GPRC5D: variants seen among roughly 807,000 people sequenced by gnomAD.
GPRC5D encodes G protein-coupled receptor class C group 5 member D.
In GPRC5D, 20 loss-of-function variants were observed where a neutral mutation model predicts 29.3. That is an observed-to-expected ratio of 0.68 (90% CI 0.48 to 0.99). The LOEUF (loss-of-function observed/expected upper bound fraction) is 0.99, where lower values mean the gene tolerates loss of function less well. Ranked by LOEUF, GPRC5D falls within the 50% of genes least tolerant of loss-of-function variation. GPRC5D has a pLI of 0.00. For synonymous variants in GPRC5D, 178 were observed against 171.3 expected (o/e 1.04, Z -0.30); for missense variants, 384 against 423.6 (o/e 0.91, Z 0.82).
chr12:12,948,973 A>G lies in GPRC5D; in HGVS notation c.895+517T>C, dbSNP rs545528298. On this transcript the variant is annotated intron_variant, in intron 1 of 2. Coordinates refer to ENST00000228887, the Ensembl canonical transcript of GPRC5D. ...TTTGAAAAGTTGAAATCCAGAAGTG[A>G]TTGGGCTTTATGGCTTTAATGAGGT... Among the ~76,000 whole-genome samples, 3 of 152,302 alleles carry G rather than the reference A, an allele frequency of 2.0e-5. No homozygotes were observed. In the South Asian group the frequency reaches 6.2e-4, roughly 32 times the overall value.
rs1050579210 is a variant in GPRC5D, at chr12:12,950,110, C to T, written c.275G>A (p.Arg92His). The change falls in exon 1 of 3, where the codon CGC becomes CAC. Residue 92 changes from arginine (R) to histidine (H), a missense_variant. Coordinates refer to ENST00000228887, the Ensembl canonical transcript of GPRC5D. Reference sequence around the variant, plus strand: ...AAAGAGAACCCCAAAGAGAAAGTAGCGTACGGGGGCAGTTTGTTGATTGAG... The same window carrying T: ...AAAGAGAACCCCAAAGAGAAAGTAGTGTACGGGGGCAGTTTGTTGATTGAG... The T allele has an allele frequency of 3.8e-5, 61 of 1,613,952 alleles. No homozygotes were observed. The highest frequency in any genetic ancestry group is 6.7e-5 in the East Asian group (3 of 44,882).
chr12:12,948,248 C>T (rs1285098457), intron 1 of GPRC5D: 2 of 152,152 alleles, frequency 1.3e-5, no homozygotes, highest in Non-Finnish European at 2.9e-5. Flanking sequence ...GAAGTATTTT[C>T]AGGAAAGATT....
intron 1 of GPRC5D, among the ~76,000 whole-genome samples, chr12:12,942,825 C>A (rs890566238): frequency 6.6e-6 from 1 of 152,130 alleles, no homozygotes; most frequent in Non-Finnish European, 1.5e-5. Flanking sequence ...ATGTAGAAAG[C>A]GTGGGTAGCG....
chr12:12,942,005 C>T (rs943198213), intron 2 of GPRC5D, among the ~76,000 whole-genome samples: 1 of 152,196 alleles, frequency 6.6e-6, no homozygotes, highest in African/African-American at 2.4e-5. Context: ...CCTTTCTTTC[C>T]AGGGACACGC....
exon 1 of GPRC5D, chr12:12,949,601 G>A: frequency 6.2e-7 from 1 of 1,614,150 alleles, no homozygotes; most frequent in South Asian, 1.1e-5. Context: ...AGAATGCAGA[G>A]CTCAGGGACG....
chr12:12,944,411 G>A (rs7299830), intron 1 of GPRC5D: 36,457 of 152,044 alleles, frequency 0.24, 4,745 homozygotes, highest in Middle Eastern at 0.37. Flanking sequence ...TGACAAAAAA[G>A]AACTTCCCAT....
rs1365140700 is a variant in GPRC5D, at chr12:12,944,861, CTT to C, written c.896-2535_896-2534del. ...TCCTTCCTTCCTTCCTTCTTTCTTTCTTTCTTTCTTTCTTTCTTTCTTTCTTT... is the reference window on the plus strand; with the variant it reads ...TCCTTCCTTCCTTCCTTCTTTCTTTCTCTTTCTTTCTTTCTTTCTTTCTTT... On this transcript the variant is annotated intron_variant, in intron 1 of 2. Transcript: ENST00000228887. 2.6e-4 allele frequency among the ~76,000 whole-genome samples: 25 copies of C among 95,128 alleles called. 2 individuals are homozygous for C. The highest frequency in any genetic ancestry group is 4.7e-4 in the South Asian group (1 of 2,106). 62.4% of individuals were successfully genotyped at this position (95,128 alleles called of 152,430 possible).
upstream of GPRC5D, among the ~76,000 whole-genome samples, chr12:12,950,800 CTG>C (rs1256764555): frequency 6.6e-6 from 1 of 151,346 alleles, no homozygotes; most frequent in Non-Finnish European, 1.5e-5. Flanking sequence ...GAGTGAGACT[CTG>C]TCTCAAAAAG....
At position 12,946,365 on chromosome 12, in the gene GPRC5D, C is replaced by CT. The variant is rs1254282820; in HGVS notation, c.895+3124dup. 4.7e-3 allele frequency among the ~76,000 whole-genome samples: 607 copies of CT among 129,408 alleles called. 9 individuals carry two copies. The highest frequency in any genetic ancestry group is 0.017 in the African/African-American group (575 of 33,968). The allele number at this position is 129,408 out of a possible 152,430, so 84.9% of individuals were successfully genotyped here. A position where few individuals can be genotyped will look rare whatever the true frequency, so the allele number is the denominator to read the frequency against. ...TCTTTCTTTCTTTCTTTCTTTCTTTCTTTTCTTTCTTTCTTTCTCTCTTTC... is the reference window on the plus strand; with the variant it reads ...TCTTTCTTTCTTTCTTTCTTTCTTTCTTTTTCTTTCTTTCTTTCTCTCTTTC... On this transcript the variant is annotated intron_variant, in intron 1 of 2. Transcript: ENST00000228887.
At chr12:12,945,471 G>A (rs1863290799) in intron 1 of GPRC5D, among the ~76,000 whole-genome samples, 1 of 152,140 alleles carries the variant, frequency 6.6e-6, no homozygotes, top group Non-Finnish European at 1.5e-5. Flanking sequence ...TCACATTTAA[G>A]ATTCTCAATT....
At chr12:12,941,641 T>C (rs1863149021) in intron 2 of GPRC5D, among the ~76,000 whole-genome samples, 1 of 152,216 alleles carries the variant, frequency 6.6e-6, no homozygotes, top group African/African-American at 2.4e-5. Context: ...CCCAGTGTGA[T>C]GTTTTTGGCT....
intron 1 of GPRC5D, 139 bp downstream of exon 2, chr12:12,949,351 A>T (rs539054432): frequency 2.9e-6 from 2 of 688,482 alleles, no homozygotes; most frequent in Non-Finnish European, 5.0e-6. Flanking sequence ...CTGCATTTCT[A>T]TGCTTGAACT....
intron 1 of GPRC5D, chr12:12,944,521 A>G (rs1863225740): frequency 6.6e-6 from 1 of 152,244 alleles, no homozygotes; most frequent in South Asian, 2.1e-4. Context: ...AAAAAGGGCT[A>G]TGTTCAGCAA....
intron 2 of GPRC5D, among the ~76,000 whole-genome samples, chr12:12,941,455 T>C (rs1299261812): frequency 6.6e-6 from 1 of 152,148 alleles, no homozygotes; most frequent in Non-Finnish European, 1.5e-5. Flanking sequence ...TTAAAGCACA[T>C]GATATAGTTA....
intron 1 of GPRC5D, among the ~76,000 whole-genome samples, chr12:12,944,673 CAT>C (rs1273297145): frequency 1.2e-4 from 18 of 152,056 alleles, no homozygotes; most frequent in African/African-American, 4.3e-4. Context: ...CAAAAAGAAT[CAT>C]ATGAGGTTTG....
At chr12:12,944,801 C>T (rs1340766466) in intron 1 of GPRC5D, among the ~76,000 whole-genome samples, 1 of 5,632 alleles carries the variant, frequency 1.8e-4, no homozygotes, top group Non-Finnish European at 9.2e-4. Flanking sequence ...TCCTTCCTTC[C>T]CTTCCTTCCT....
chr12:12,950,331 G>C, exon 1 of GPRC5D: 1 of 1,612,570 alleles, frequency 6.2e-7, no homozygotes, highest in Non-Finnish European at 8.5e-7. Flanking sequence ...ATGGCCCCTC[G>C]GCGTCACAGA....
chr12:12,944,829 CCTTCCT>C (rs1565477179), intron 1 of GPRC5D, among the ~76,000 whole-genome samples: 16 of 9,658 alleles, frequency 1.7e-3, no homozygotes, highest in South Asian at 0.01. Flanking sequence ...TTCCTTCCTT[CCTTCCT>C]TCCTTCCTTC....
chr12:12,944,688 T>C (rs977791728), intron 1 of GPRC5D, among the ~76,000 whole-genome samples: 4 of 152,038 alleles, frequency 2.6e-5, no homozygotes, highest in Admixed American at 6.6e-5. Context: ...GAGGTTTGTC[T>C]GTATGCATCC....
Sources: gnomAD v4.1 joint callset for allele counts (sites outside exome capture counted in the v4.1 genomes callset) on GRCh38, gnomAD v4.1.1 for gene constraint, MANE v1.5 for transcripts, NCBI Gene and HGNC (gene_info 2026-07-23, HGNC 2026-07-21) for gene names.